Variants in UTRN observed in about 807,000 individuals in gnomAD.
UTRN encodes the protein utrophin, also known as dystrophin-related protein 1.
A neutral mutation model predicts 463.9 loss-of-function variants in UTRN; 283 were observed. The observed-to-expected ratio is 0.61, with a 90% CI of 0.55 to 0.67. The LOEUF (loss-of-function observed/expected upper bound fraction) is 0.67, where lower values mean the gene tolerates loss of function less well. Ranked by LOEUF, UTRN falls within the 30% of genes least tolerant of loss-of-function variation. The pLI, the probability that UTRN is intolerant of heterozygous loss-of-function variation, is 0.00. For missense variants in UTRN, 3,922 were observed against 4,084.3 expected (o/e 0.96, Z 1.08); for synonymous variants, 1,442 against 1,431.5 (o/e 1.01, Z -0.17).
intron 2 of UTRN, among the ~76,000 whole-genome samples, chr6:144,317,488 T>A (rs1775356745): frequency 6.6e-6 from 1 of 152,022 alleles, no homozygotes; most frequent in South Asian, 2.1e-4. Flanking sequence ...CCTCTGCCTC[T>A]CGGGTTCAAG....
intron 12 of UTRN, among the ~76,000 whole-genome samples, chr6:144,439,364 G>A (rs1476903812): frequency 6.6e-6 from 1 of 152,194 alleles, no homozygotes; most frequent in East Asian, 1.9e-4. Context: ...TATGCTCTCT[G>A]TAAATTGAAG....
At chr6:144,395,976 C>T (rs1782369623) in intron 2 of UTRN, among the ~76,000 whole-genome samples, 1 of 152,010 alleles carries the variant, frequency 6.6e-6, no homozygotes, top group African/African-American at 2.4e-5. Flanking sequence ...TTGCTGGTTC[C>T]TCAAAAATCT....
intron 46 of UTRN, 98 bp downstream of exon 46, chr6:144,542,968 T>C (rs1798102525): frequency 2.0e-6 from 2 of 993,242 alleles, no homozygotes; most frequent in South Asian, 3.2e-5. Flanking sequence ...CTTAGAAACG[T>C]CGTGCCATTT....
At chr6:144,314,556 C>A (rs999585104) in intron 2 of UTRN, among the ~76,000 whole-genome samples, 1 of 152,230 alleles carries the variant, frequency 6.6e-6, no homozygotes, top group African/African-American at 2.4e-5. Context: ...ACCAGATATG[C>A]TTCAGAATTT....
chr6:144,772,627 C>T (rs868734106), intron 59 of UTRN, among the ~76,000 whole-genome samples: 1 of 152,156 alleles, frequency 6.6e-6, no homozygotes, highest in Non-Finnish European at 1.5e-5. Flanking sequence ...CAACTTTAAT[C>T]CACTGCCTTA....
chr6:144,740,703 A>G (rs555241042), intron 54 of UTRN, among the ~76,000 whole-genome samples: 32 of 152,350 alleles, frequency 2.1e-4, no homozygotes, highest in African/African-American at 7.5e-4. Flanking sequence ...TCTAAAATAC[A>G]ACGAGCCAGC....
intron 54 of UTRN, among the ~76,000 whole-genome samples, chr6:144,738,401 A>G (rs1047911193): frequency 6.6e-6 from 1 of 152,154 alleles, no homozygotes; most frequent in Non-Finnish European, 1.5e-5. Flanking sequence ...GGAATTAGGG[A>G]ATATTTGTGC....
chr6:144,501,154 T>C (rs1257047995), intron 34 of UTRN, among the ~76,000 whole-genome samples: 1 of 152,162 alleles, frequency 6.6e-6, no homozygotes, highest in Non-Finnish European at 1.5e-5. Flanking sequence ...AAAAGCGTGA[T>C]CATGCCATGA....
chr6:144,824,038 A>T (rs1485188652), intron 66 of UTRN, among the ~76,000 whole-genome samples: 2 of 152,124 alleles, frequency 1.3e-5, no homozygotes, highest in African/African-American at 2.4e-5. Flanking sequence ...GATGTGTTTG[A>T]TGTGGGAGGT....
In UTRN at chr6:144,527,302, T is replaced by C. The variant is rs114998349; in HGVS notation, c.5907-3750T>C. On this transcript the variant is annotated intron_variant, in intron 41 of 74. Transcript: ENST00000367545. ...ATTCCTGGCTTGTAATTGTTTTGTT[T>C]AAGGAGGCTGAAGATAGGACCCCAA... Among the ~76,000 whole-genome samples the C allele has an allele frequency of 4.0e-3, 607 of 152,348 alleles. 1 individual carries two copies. The highest frequency in any genetic ancestry group is 0.014 in the African/African-American group (575 of 41,584).
At chr6:144,412,714 A>G (rs1784005919) in intron 3 of UTRN, among the ~76,000 whole-genome samples, 1 of 143,364 alleles carries the variant, frequency 7.0e-6, no homozygotes. Context: ...TATACACTAT[A>G]TATGTTTGTG....
intron 2 of UTRN, among the ~76,000 whole-genome samples, chr6:144,321,069 G>A (rs1027922721): frequency 1.3e-5 from 2 of 152,170 alleles, no homozygotes; most frequent in African/African-American, 4.8e-5. Context: ...AGTTGCACAC[G>A]TTTAGTGGTT....
At chr6:144,352,351 T>C (rs1261093955) in intron 2 of UTRN, among the ~76,000 whole-genome samples, 1 of 152,220 alleles carries the variant, frequency 6.6e-6, no homozygotes, top group African/African-American at 2.4e-5. Flanking sequence ...AAATGAATTA[T>C]TATATTTTAC....
At position 144,480,149 on chromosome 6, in the gene UTRN, A is replaced by G. The variant is rs142206903; in HGVS notation, c.3507+167A>G. On this transcript the variant is annotated intron_variant, in intron 26 of 74. Coordinates refer to ENST00000367545, the MANE Select transcript of UTRN (RefSeq NM_007124.3). Reference sequence around the variant, plus strand: ...ACAGGGTAGCTGCTCTAATTTTAGCAGGGGAAGAAAGCCAGGAGTCCACAT... The same window carrying G: ...ACAGGGTAGCTGCTCTAATTTTAGCGGGGGAAGAAAGCCAGGAGTCCACAT... 3.8e-3 allele frequency among the ~76,000 whole-genome samples: 584 copies of G among 152,314 alleles called. 1 individual carries two copies. The highest frequency in any genetic ancestry group is 0.013 in the African/African-American group (555 of 41,558).
intron 27 of UTRN, 106 bp from the exon 28 acceptor site, chr6:144,485,279 T>C: frequency 1.3e-6 from 2 of 1,481,610 alleles, no homozygotes; most frequent in Non-Finnish European, 1.8e-6. Flanking sequence ...TTCCTAGGTA[T>C]ACTCACATCC....
At chr6:144,418,803 C>T (rs1208891382) in intron 3 of UTRN, among the ~76,000 whole-genome samples, 1 of 152,028 alleles carries the variant, frequency 6.6e-6, no homozygotes, top group Non-Finnish European at 1.5e-5. Context: ...CCTCTCGCCT[C>T]GGCCTCCCAA....
chr6:144,381,386 T>A (rs904890180), intron 2 of UTRN, among the ~76,000 whole-genome samples: 14 of 152,214 alleles, frequency 9.2e-5, no homozygotes, highest in African/African-American at 3.4e-4. Context: ...TATTCCATAG[T>A]GTGTATATGC....
chr6:144,836,267 G>T, intron 70 of UTRN, 34 bp from the exon 71 acceptor site: 1 of 1,613,296 alleles, frequency 6.2e-7, no homozygotes, highest in Non-Finnish European at 8.5e-7. Flanking sequence ...AATGCACGTG[G>T]TAGTCATTCT....
intron 3 of UTRN, among the ~76,000 whole-genome samples, chr6:144,407,060 T>C (rs1264194841): frequency 6.6e-6 from 1 of 151,942 alleles, no homozygotes; most frequent in East Asian, 1.9e-4. Flanking sequence ...GGATCTCTTT[T>C]CTGAGCTCCC....
Sources: gnomAD v4.1 joint callset for allele counts (sites outside exome capture counted in the v4.1 genomes callset) on GRCh38, gnomAD v4.1.1 for gene constraint, MANE v1.5 for transcripts, NCBI Gene and HGNC (gene_info 2026-07-23, HGNC 2026-07-21) for gene names.